The following DAPK1 variants were observed in gnomAD, a reference collection of about 807,000 sequenced individuals.
DAPK1 encodes death-associated protein kinase 1.
In DAPK1, 56 loss-of-function variants were observed where a neutral mutation model predicts 144.9. The ratio of observed to expected loss-of-function variants is 0.39; its 90% CI spans 0.31 to 0.48. The LOEUF is 0.48. DAPK1 is among the 20% of genes least tolerant of loss of function. The pLI is 0.95. For synonymous variants in DAPK1, 690 were observed against 749.0 expected (o/e 0.92, Z 1.29); for missense variants, 1,454 against 1,875.4 (o/e 0.78, Z 4.15).
intron 2 of DAPK1, among the ~76,000 whole-genome samples, chr9:87,547,211 A>G (rs1826282109): frequency 6.6e-6 from 1 of 152,240 alleles, no homozygotes; most frequent in South Asian, 2.1e-4. Flanking sequence ...AGTAATAATA[A>G]TAATTTGATA....
chr9:87,687,007 T>C lies in DAPK1; in HGVS notation c.2413+268T>C, dbSNP rs184665514. 58 of 175,690 alleles carry C rather than the reference T, an allele frequency of 3.3e-4. 1 individual carries two copies. The East Asian group carries it at 9.5e-3, about 29-fold the overall frequency. The allele number at this position is 175,690 out of a possible 1,614,324, so 10.9% of individuals were successfully genotyped here. ...AAATGACTGTGGAGTAAATTAATAATATTTGTACATATTTATGGGGTACGT... is the reference window on the plus strand; with the variant it reads ...AAATGACTGTGGAGTAAATTAATAACATTTGTACATATTTATGGGGTACGT... On this transcript the variant is annotated intron_variant, in intron 21 of 25. Transcript: ENST00000408954.
chr9:87,507,158 T>C (rs749006946), intron 2 of DAPK1, among the ~76,000 whole-genome samples: 3 of 152,232 alleles, frequency 2.0e-5, no homozygotes, highest in Non-Finnish European at 4.4e-5. Context: ...TGGTGTGGCA[T>C]ATGGATCACA....
chr9:87,576,275 T>C (rs1687172701), intron 2 of DAPK1, among the ~76,000 whole-genome samples: 1 of 152,236 alleles, frequency 6.6e-6, no homozygotes, highest in African/African-American at 2.4e-5. Context: ...TGTTTTCCTG[T>C]AGTGAGTGTG....
intron 20 of DAPK1, among the ~76,000 whole-genome samples, chr9:87,685,069 G>T (rs368138249): frequency 6.6e-5 from 10 of 152,324 alleles, no homozygotes; most frequent in African/African-American, 2.4e-4. Flanking sequence ...GCTTTTGCAG[G>T]CTGGGATTAA....
intron 2 of DAPK1, among the ~76,000 whole-genome samples, chr9:87,555,654 C>G (rs1826685347): frequency 6.6e-6 from 1 of 152,126 alleles, no homozygotes; most frequent in African/African-American, 2.4e-5. Context: ...CAGGCATGCG[C>G]CACCACGCCC....
chr9:87,651,541 C>G lies in DAPK1; in HGVS notation c.1641C>G (p.Ala547=), dbSNP rs996248344. Residue 547 remains alanine (A), a synonymous_variant, in exon 17 of 26, where the codon GCC becomes GCG. Transcript: ENST00000408954. ...TTTGTTTCCAGGACGGACACATTGC[C>G]CTTCATCTGGCTGTAAGACGGTGTC... ...LNACDKDGHI[A]LHLAVRRCQM... The G allele has an allele frequency of 1.2e-6, 2 of 1,614,034 alleles. No individual in the cohort carries two copies. The highest frequency in any genetic ancestry group is 2.7e-5 in the African/African-American group (2 of 74,912).
intron 3 of DAPK1, among the ~76,000 whole-genome samples, chr9:87,631,841 A>G (rs1395834160): frequency 1.3e-5 from 2 of 152,220 alleles, no homozygotes; most frequent in East Asian, 1.9e-4. Flanking sequence ...TTACCAAACA[A>G]TGCTTATCAT....
chr9:87,570,807 A>G (rs36203589), intron 2 of DAPK1, among the ~76,000 whole-genome samples: 12 of 152,320 alleles, frequency 7.9e-5, no homozygotes, highest in African/African-American at 2.2e-4. Flanking sequence ...GAGAGAAACC[A>G]TTTGCAAACA....
chr9:87,703,904 TG>T (rs1825545580), intron 25 of DAPK1, among the ~76,000 whole-genome samples: 2 of 152,280 alleles, frequency 1.3e-5, no homozygotes, highest in South Asian at 2.1e-4. Context: ...CATGTGAAAT[TG>T]GGAGCCTACA....
At chr9:87,526,148 T>TAA (rs56046499) in intron 2 of DAPK1, among the ~76,000 whole-genome samples, 4 of 141,524 alleles carry the variant, frequency 2.8e-5, no homozygotes, top group African/African-American at 2.6e-5. Context: ...TCTCTACAAT[T>TAA]AAAAAAAAAA....
intron 19 of DAPK1, among the ~76,000 whole-genome samples, chr9:87,675,512 G>A (rs1824331894): frequency 6.6e-6 from 1 of 152,102 alleles, no homozygotes; most frequent in Non-Finnish European, 1.5e-5. Context: ...AGAGAACAAT[G>A]CCCGACATGA....
chr9:87,521,071 A>G (rs1261931175), intron 2 of DAPK1, among the ~76,000 whole-genome samples: 1 of 152,218 alleles, frequency 6.6e-6, no homozygotes, highest in African/African-American at 2.4e-5. Flanking sequence ...CTGTTAGACT[A>G]TTTCTCACCT....
In DAPK1 at chr9:87,706,926, C is replaced by G. The variant is rs200111269; in HGVS notation, c.3855C>G (p.Phe1285Leu). 3 of 1,613,618 alleles carry G rather than the reference C, an allele frequency of 1.9e-6. No individual in the cohort carries two copies. The East Asian group carries it at 6.7e-5, about 36-fold the overall frequency. Residue 1285 changes from phenylalanine (F) to leucine (L), a missense_variant, in exon 26 of 26, where the codon TTC becomes TTG. Physicochemically the swap from Phe to Leu is conservative, Grantham distance 22. This residue lies in a region of DAPK1 where 1,025 missense variants were observed against 1,237.9 expected (regional missense o/e 0.83). Transcript: ENST00000408954. This position sits in a 1 kb window ranked among gnomAD's most constrained non-coding sequence, Gnocchi z 9.0. ...YKESFSSIMC[F>L]GCHDVYSQAS... ...AAAGCTTCAGCAGCATCATGTGCTT[C>G]GGGTGTCACGACGTCTACTCACAGG...
At chr9:87,650,467 C>A (rs896495166) in intron 16 of DAPK1, 7 of 252,858 alleles carry the variant, frequency 2.8e-5, no homozygotes, top group Middle Eastern at 1.5e-3. Context: ...TTTAGATAAA[C>A]AAAGAAATAG....
At chr9:87,512,458 C>T (rs539848783) in intron 2 of DAPK1, among the ~76,000 whole-genome samples, 2 of 152,186 alleles carry the variant, frequency 1.3e-5, no homozygotes, top group East Asian at 3.9e-4. Context: ...TTTTGCCAAG[C>T]CAGAACTGTC....
At position 87,698,547 on chromosome 9, in the gene DAPK1, C is replaced by A. The variant is rs921277700; in HGVS notation, c.2612-109C>A. 9 of 712,134 alleles carry A rather than the reference C, an allele frequency of 1.3e-5. 1 individual carries two copies. The highest frequency in any genetic ancestry group is 1.1e-4 in the Admixed American group (5 of 46,980). 44.1% of individuals were successfully genotyped at this position (712,134 alleles called of 1,614,324 possible). A position where few individuals can be genotyped will look rare whatever the true frequency, so the allele number is the denominator to read the frequency against. On this transcript the variant is annotated intron_variant, in intron 22 of 25. Coordinates refer to ENST00000408954, the MANE Select transcript of DAPK1 (RefSeq NM_004938.4). ...ATCTCTGTGGCATGTTGCACTTGTA[C>A]CTGGAGAGTCGGCCTGGGCATGAGG...
At position 87,633,360 on chromosome 9, in the gene DAPK1, G is replaced by A. The variant is rs553412978; in HGVS notation, c.285-4583G>A. ...GATGAGTATATGTGCGTATGGGTGA[G>A]GGGGGATGGAGTGAATACATAGGGC... On this transcript the variant is annotated intron_variant, in intron 3 of 25. Coordinates refer to ENST00000408954, the MANE Select transcript of DAPK1 (RefSeq NM_004938.4). 2.1e-5 allele frequency: 21 copies of A among 985,112 alleles called. 1 individual carries two copies. The Admixed American group carries it at 9.8e-4, about 46-fold the overall frequency. 61.0% of individuals were successfully genotyped at this position (985,112 alleles called of 1,614,324 possible).
Position 87,668,621 on chromosome 9 carries a change from G to A in DAPK1, c.1948G>A (p.Ala650Thr). Reference sequence around the variant, plus strand: ...GGACGGAAAGACGGCAGAAGATCTTGCTAGATCGGAACAGCACGAGCACGT... The same window carrying A: ...GGACGGAAAGACGGCAGAAGATCTTACTAGATCGGAACAGCACGAGCACGT... ...TTDGKTAEDLARSEQHEHVAG... is the reference protein window; with the variant it reads ...TTDGKTAEDLTRSEQHEHVAG... The change falls in exon 19 of 26, where the codon GCT becomes ACT. Residue 650 changes from alanine to threonine, a missense_variant. Physicochemically the swap from Ala to Thr is moderately conservative, Grantham distance 58. Transcript: ENST00000408954. 1 of 1,478,024 alleles carries A rather than the reference G, an allele frequency of 6.8e-7. No homozygotes were observed. The highest frequency in any genetic ancestry group is 9.5e-7 in the Non-Finnish European group (1 of 1,055,774). The allele number at this position is 1,478,024 out of a possible 1,614,324, so 91.6% of individuals were successfully genotyped here. A position where few individuals can be genotyped will look rare whatever the true frequency, so the allele number is the denominator to read the frequency against.
rs950421002 is a variant in DAPK1 at position 87,520,583 on chromosome 9, G to C, written c.62+21444G>C. 5.3e-5 allele frequency among the ~76,000 whole-genome samples: 8 copies of C among 152,210 alleles called. 1 individual carries two copies. Reference sequence around the variant, plus strand: ...GTTTAAAAATCCGCCACTTTGGGGGGATGAATTAGGATATCGGTAACAATT... The same window carrying C: ...GTTTAAAAATCCGCCACTTTGGGGGCATGAATTAGGATATCGGTAACAATT... On this transcript the variant is annotated intron_variant, in intron 2 of 25. Coordinates refer to ENST00000408954, the MANE Select transcript of DAPK1 (RefSeq NM_004938.4).
Sources: gnomAD v4.1 joint callset for allele counts (sites outside exome capture counted in the v4.1 genomes callset) on GRCh38, gnomAD v4.1.1 for gene constraint, gnomAD v4.1.1 regional missense constraint, Gnocchi (gnomAD v3.1) non-coding constraint, MANE v1.5 for transcripts, NCBI Gene and HGNC (gene_info 2026-07-23, HGNC 2026-07-21) for gene names.